Variants in MDFIC observed in about 807,000 individuals in gnomAD.
The protein encoded by MDFIC is myoD family inhibitor domain-containing protein.
Under a neutral mutation model 23.2 loss-of-function variants are expected in MDFIC, and 17 were observed. The observed-to-expected ratio is 0.73, with a 90% CI of 0.50 to 1.10. MDFIC has a LOEUF of 1.10. MDFIC is among the 50% of genes least tolerant of loss of function. The probability of loss-of-function intolerance (pLI) is 0.00; values close to 1 mark genes in which losing one functional copy is unlikely to be tolerated. For missense variants in MDFIC, 356 were observed against 316.6 expected, an observed-to-expected ratio of 1.12 and a Z score of -0.95; for synonymous variants, 120 against 115.2, an observed-to-expected ratio of 1.04 and a Z score of -0.27.
intron 4 of MDFIC, among the ~76,000 whole-genome samples, chr7:114,990,462 T>A (rs961893877): frequency 5.3e-5 from 8 of 152,178 alleles, no homozygotes; most frequent in Non-Finnish European, 5.9e-5. Context: ...TAACTCATCA[T>A]TTACATTAGG....
intron 4 of MDFIC, among the ~76,000 whole-genome samples, chr7:114,984,959 T>G (rs1342363448): frequency 6.6e-6 from 1 of 152,214 alleles, no homozygotes; most frequent in Non-Finnish European, 1.5e-5. Flanking sequence ...AGTATATCAT[T>G]GAACATAAAT....
chr7:114,974,522 C>G (rs1252109288), intron 3 of MDFIC, among the ~76,000 whole-genome samples: 5 of 152,044 alleles, frequency 3.3e-5, no homozygotes, highest in Non-Finnish European at 5.9e-5. Context: ...TGTACAACAA[C>G]CATTTAAACT....
intron 2 of MDFIC, among the ~76,000 whole-genome samples, chr7:114,940,000 T>C (rs1483432700): frequency 6.6e-6 from 1 of 152,180 alleles, no homozygotes; most frequent in East Asian, 1.9e-4. Flanking sequence ...CTTTTATTGA[T>C]AATCTCAGAA....
intron 4 of MDFIC, among the ~76,000 whole-genome samples, chr7:114,992,398 T>C (rs1436591187): frequency 6.6e-6 from 1 of 151,834 alleles, no homozygotes; most frequent in African/African-American, 2.4e-5. Context: ...TGAATAGGAG[T>C]GGTGAGAGAG....
chr7:114,926,547 T>A (rs1311099724), intron 2 of MDFIC, among the ~76,000 whole-genome samples: 1 of 152,222 alleles, frequency 6.6e-6, no homozygotes, highest in African/African-American at 2.4e-5. Context: ...CGTAGATCGT[T>A]GGACTCTGAG....
chr7:115,000,110 T>C lies in MDFIC; in HGVS notation c.494-15578T>C, dbSNP rs190772509. On this transcript the variant is annotated intron_variant, in intron 4 of 4. Transcript: ENST00000393486. ...AGGGCCACATAACATTTAATTCAAC[T>C]ATGAACGACATATAGAACGGTGGTC... Among the ~76,000 whole-genome samples, 4 of 152,320 alleles carry C rather than the reference T, an allele frequency of 2.6e-5. No individual in the cohort carries two copies. The East Asian group carries it at 7.7e-4, about 29-fold the overall frequency.
rs1585087907 is a variant in MDFIC, at chr7:114,922,451, T to A, written c.-293T>A. ...GTCAGAGCCGCCACCGCTGCCGCAGTTGCCGCCACTGCGGCGTCTGGGCTG... is the reference window on the plus strand; with the variant it reads ...GTCAGAGCCGCCACCGCTGCCGCAGATGCCGCCACTGCGGCGTCTGGGCTG... On this transcript the variant is annotated 5_prime_UTR_variant, in exon 1 of 5. The change creates a new upstream start codon in the 5' untranslated region. Coordinates refer to ENST00000393486, the MANE Select transcript of MDFIC (RefSeq NM_001166345.3). 2.4e-6 allele frequency: 3 copies of A among 1,244,494 alleles called. No individual in the cohort carries two copies. The East Asian group carries it at 9.4e-5, about 39-fold the overall frequency. The allele number at this position is 1,244,494 out of a possible 1,614,324, so 77.1% of individuals were successfully genotyped here.
chr7:114,969,237 C>T (rs190244145), intron 3 of MDFIC, among the ~76,000 whole-genome samples: 2 of 152,190 alleles, frequency 1.3e-5, no homozygotes, highest in East Asian at 1.9e-4. Context: ...ATTCCCTAGA[C>T]TCGTGAAGGT....
chr7:114,957,801 G>A (rs1275837072), intron 3 of MDFIC, among the ~76,000 whole-genome samples: 3 of 152,150 alleles, frequency 2.0e-5, no homozygotes, highest in African/African-American at 4.8e-5. Flanking sequence ...TCATTTAGGA[G>A]TAGTTACCAA....
At chr7:115,001,420 T>C (rs1163524713) in intron 4 of MDFIC, among the ~76,000 whole-genome samples, 4 of 152,136 alleles carry the variant, frequency 2.6e-5, no homozygotes, top group Non-Finnish European at 5.9e-5. Context: ...ACACTAGAAG[T>C]TGAAGTTTAT....
chr7:115,013,554 T>C (rs1282574952), intron 4 of MDFIC, among the ~76,000 whole-genome samples: 1 of 152,210 alleles, frequency 6.6e-6, no homozygotes, highest in Non-Finnish European at 1.5e-5. Context: ...CATAGTGGAA[T>C]AGAAAGTTAA....
intron 3 of MDFIC, among the ~76,000 whole-genome samples, chr7:114,948,097 G>A (rs1327290221): frequency 6.6e-6 from 1 of 152,126 alleles, no homozygotes; most frequent in Non-Finnish European, 1.5e-5. Context: ...ATAAATGCAT[G>A]ATGACTTAAG....
chr7:114,944,484 T>C (rs547176966), intron 3 of MDFIC, among the ~76,000 whole-genome samples: 19 of 152,348 alleles, frequency 1.2e-4, no homozygotes, highest in Admixed American at 1.0e-3. Flanking sequence ...AAATTTGATA[T>C]CTGGATTTTG....
chr7:114,930,934 A>G (rs930196496), intron 2 of MDFIC, among the ~76,000 whole-genome samples: 1 of 152,176 alleles, frequency 6.6e-6, no homozygotes. Flanking sequence ...TAGATTTTGG[A>G]CAATTTAACT....
intron 3 of MDFIC, among the ~76,000 whole-genome samples, chr7:114,962,356 G>A (rs1793010213): frequency 6.6e-6 from 1 of 152,186 alleles, no homozygotes; most frequent in African/African-American, 2.4e-5. Context: ...TGTAAACCAT[G>A]ATATGGGATT....
At chr7:114,971,603 TGCTTTTATCCTCAA>T (rs1203330791) in intron 3 of MDFIC, among the ~76,000 whole-genome samples, 2 of 152,214 alleles carry the variant, frequency 1.3e-5, no homozygotes, top group African/African-American at 4.8e-5. Flanking sequence ...CTTGCTTTTG[TGCTTTTATCCTCAA>T]ATGAATGACA....
chr7:114,966,829 A>T (rs921099167), intron 3 of MDFIC, among the ~76,000 whole-genome samples: 1 of 152,202 alleles, frequency 6.6e-6, no homozygotes, highest in African/African-American at 2.4e-5. Context: ...TAGAAGTTGT[A>T]TCTGGGAAGC....
chr7:114,922,720 C>T, intron 1 of MDFIC, 84 bp downstream of exon 1: 1 of 1,364,988 alleles, frequency 7.3e-7, no homozygotes, highest in Non-Finnish European at 9.5e-7. Context: ...CTCTTTCCAG[C>T]CCCTCCCCGC....
At chr7:114,999,647 C>T (rs1392973295) in intron 4 of MDFIC, among the ~76,000 whole-genome samples, 2 of 151,848 alleles carry the variant, frequency 1.3e-5, no homozygotes, top group African/African-American at 2.4e-5. Flanking sequence ...TTAAAGTTGA[C>T]ATATTTCTTA....
Sources: allele counts gnomAD v4.1 joint callset (sites outside exome capture counted in the v4.1 genomes callset), GRCh38; gene constraint gnomAD v4.1.1; transcripts MANE v1.5; gene names NCBI Gene and HGNC (gene_info 2026-07-23, HGNC 2026-07-21).